The following LRRTM3 variants were observed in gnomAD, a reference collection of about 807,000 sequenced individuals.
LRRTM3 encodes the protein leucine-rich repeat transmembrane neuronal protein 3.
A neutral mutation model predicts 44.7 loss-of-function variants in LRRTM3; 24 were observed. The ratio of observed to expected loss-of-function variants is 0.54; its 90% CI spans 0.39 to 0.76. The LOEUF (loss-of-function observed/expected upper bound fraction) is 0.76. Among genes scored for constraint, LRRTM3 ranks in the 30% least tolerant of loss-of-function variants. The probability of loss-of-function intolerance (pLI) is 0.00; values close to 1 mark genes in which losing one functional copy is unlikely to be tolerated. For missense variants in LRRTM3, 587 were observed against 702.2 expected, an observed-to-expected ratio of 0.84 and a Z score of 1.85; for synonymous variants, 277 against 278.7, an observed-to-expected ratio of 0.99 and a Z score of 0.06.
intron 2 of LRRTM3, among the ~76,000 whole-genome samples, chr10:66,986,466 C>T (rs1275965328): frequency 2.0e-5 from 3 of 151,782 alleles, no homozygotes; most frequent in Admixed American, 6.6e-5. Flanking sequence ...CACTGCACTC[C>T]AGCCTCAGCG....
intron 2 of LRRTM3, among the ~76,000 whole-genome samples, chr10:67,003,857 C>G (rs1320006840): frequency 2.0e-5 from 3 of 152,106 alleles, no homozygotes; most frequent in African/African-American, 4.8e-5. Flanking sequence ...CATACATTTG[C>G]AATGCATCAG....
intron 2 of LRRTM3, among the ~76,000 whole-genome samples, chr10:66,942,115 A>T (rs1169173832): frequency 6.6e-6 from 1 of 152,170 alleles, no homozygotes; most frequent in Non-Finnish European, 1.5e-5. Flanking sequence ...TTGAGGATAA[A>T]TTGAGATAAC....
chr10:66,999,957 A>G (rs1442688053), intron 2 of LRRTM3, among the ~76,000 whole-genome samples: 1 of 152,192 alleles, frequency 6.6e-6, no homozygotes, highest in Non-Finnish European at 1.5e-5. Context: ...TTTCCCAGTC[A>G]CTGCTCTGTC....
chr10:66,947,544 C>T (rs2132706813), intron 2 of LRRTM3, among the ~76,000 whole-genome samples: 1 of 152,202 alleles, frequency 6.6e-6, no homozygotes, highest in East Asian at 1.9e-4. Context: ...CTGTCTCCCT[C>T]TCCCCTGCTG....
intron 2 of LRRTM3, among the ~76,000 whole-genome samples, chr10:66,960,294 T>C (rs1849044526): frequency 6.6e-6 from 1 of 152,144 alleles, no homozygotes; most frequent in Non-Finnish European, 1.5e-5. Flanking sequence ...ACAAAAATCA[T>C]GGAGCATTTT....
chr10:67,085,506 T>C (rs1489163643), intron 2 of LRRTM3, among the ~76,000 whole-genome samples: 1 of 151,994 alleles, frequency 6.6e-6, no homozygotes, highest in Non-Finnish European at 1.5e-5. Flanking sequence ...GTCACCCTCA[T>C]ATAATCTATG....
At chr10:66,933,157 C>T (rs1221342102) in intron 2 of LRRTM3, among the ~76,000 whole-genome samples, 2 of 152,114 alleles carry the variant, frequency 1.3e-5, no homozygotes, top group African/African-American at 4.8e-5. Context: ...TGGCATGAGC[C>T]AAAAAGAAAT....
chr10:67,081,463 T>C (rs1161457150), intron 2 of LRRTM3, among the ~76,000 whole-genome samples: 1 of 152,192 alleles, frequency 6.6e-6, no homozygotes, highest in African/African-American at 2.4e-5. Context: ...ATTATATCCA[T>C]TTAACAGTGC....
chr10:67,022,119 A>G (rs1310937577), intron 2 of LRRTM3, among the ~76,000 whole-genome samples: 2 of 152,184 alleles, frequency 1.3e-5, no homozygotes, highest in Non-Finnish European at 2.9e-5. Context: ...ATTTGAAGCC[A>G]AAGGAGTGGG....
Position 67,100,940 on chromosome 10 carries a change from T to A in LRRTM3, c.*3144T>A, listed in dbSNP as rs1478373367. ...ATCAGAGCAAGAGAACTTCCAGAGA[T>A]AATGGATAGAATGAAAGAATATATA... On this transcript the variant is annotated 3_prime_UTR_variant, in exon 3 of 3. Coordinates refer to ENST00000361320, the MANE Select transcript of LRRTM3 (RefSeq NM_178011.5). Among the ~76,000 whole-genome samples, 1 of 151,686 alleles carries A rather than the reference T, an allele frequency of 6.6e-6. No individual in the cohort carries two copies. Among genetic ancestry groups the A allele is most frequent in the African/African-American group, 2.4e-5 (1 of 41,360 alleles).
At position 67,079,722 on chromosome 10, in the gene LRRTM3, C is replaced by T. The variant is rs559856968; in HGVS notation, c.1537-17865C>T. ...AACTAGCCAGGCGTGGTGGCGGGCA[C>T]CTGTAATCCCAGCTGCTCAGGAGGC... On this transcript the variant is annotated intron_variant, in intron 2 of 2. Coordinates refer to ENST00000361320, the MANE Select transcript of LRRTM3 (RefSeq NM_178011.5). Among the ~76,000 whole-genome samples the T allele has an allele frequency of 6.6e-5, 10 of 152,124 alleles. No individual in the cohort carries two copies. The East Asian group carries it at 1.9e-3, about 29-fold the overall frequency.
intron 2 of LRRTM3, among the ~76,000 whole-genome samples, chr10:66,943,956 G>T (rs901720690): frequency 6.6e-6 from 1 of 152,144 alleles, no homozygotes; most frequent in Non-Finnish European, 1.5e-5. Context: ...CTTTTTGCTG[G>T]TGTAGGGTCT....
chr10:66,983,324 T>C (rs922442557), intron 2 of LRRTM3, among the ~76,000 whole-genome samples: 1 of 152,056 alleles, frequency 6.6e-6, no homozygotes, highest in African/African-American at 2.4e-5. Context: ...CCTGGTGCAT[T>C]ATGCCAACAA....
chr10:67,092,330 C>G (rs936761917), intron 2 of LRRTM3, among the ~76,000 whole-genome samples: 2 of 151,916 alleles, frequency 1.3e-5, no homozygotes, highest in African/African-American at 4.8e-5. Flanking sequence ...ACTAAAATCT[C>G]TATTCAGACA....
chr10:66,933,072 C>T (rs118186038), intron 2 of LRRTM3, among the ~76,000 whole-genome samples: 3,353 of 152,280 alleles, frequency 0.022, 60 homozygotes, highest in Non-Finnish European at 0.033. Context: ...ACTTTGTAAA[C>T]TCTAAAATGG....
intron 2 of LRRTM3, among the ~76,000 whole-genome samples, chr10:66,994,428 T>C (rs1851215324): frequency 6.6e-6 from 1 of 152,176 alleles, no homozygotes; most frequent in Non-Finnish European, 1.5e-5. Flanking sequence ...TGAGTCTCTT[T>C]AAAAGCACAA....
At chr10:66,978,344 G>A (rs942215399) in intron 2 of LRRTM3, among the ~76,000 whole-genome samples, 1 of 151,280 alleles carries the variant, frequency 6.6e-6, no homozygotes, top group African/African-American at 2.4e-5. Context: ...TGGCCAACAT[G>A]GCAAAACCCT....
At chr10:67,060,341 T>C (rs1855691474) in intron 2 of LRRTM3, among the ~76,000 whole-genome samples, 1 of 152,122 alleles carries the variant, frequency 6.6e-6, no homozygotes, top group Non-Finnish European at 1.5e-5. Flanking sequence ...AAAAATTCTG[T>C]AAATGTATAC....
intron 2 of LRRTM3, among the ~76,000 whole-genome samples, chr10:66,984,027 T>G (rs1207815435): frequency 2.6e-5 from 4 of 152,160 alleles, no homozygotes; most frequent in South Asian, 4.1e-4. Context: ...ATCTCCTGAG[T>G]GCCATGTGGT....
Sources: gnomAD v4.1 joint callset for allele counts (sites outside exome capture counted in the v4.1 genomes callset) on GRCh38, gnomAD v4.1.1 for gene constraint, MANE v1.5 for transcripts, NCBI Gene and HGNC (gene_info 2026-07-23, HGNC 2026-07-21) for gene names.